Variants in ATP2C2 observed in about 807,000 individuals in gnomAD.
ATP2C2 encodes ATPase secretory pathway Ca2+ transporting 2.
ATP2C2 carries 171 observed loss-of-function variants against 110.8 expected under a neutral mutation model. The ratio of observed to expected loss-of-function variants is 1.54; its 90% CI spans 1.36 to 1.75. The LOEUF (loss-of-function observed/expected upper bound fraction) is 1.75, where lower values mean the gene tolerates loss of function less well. Ranked by LOEUF, ATP2C2 falls within the 40% of genes most tolerant of loss-of-function variation. The probability of loss-of-function intolerance (pLI) is 0.00; values close to 1 mark genes in which losing one functional copy is unlikely to be tolerated. For missense variants in ATP2C2, 1,963 were observed against 1,235.0 expected, an observed-to-expected ratio of 1.59 and a Z score of -8.84; for synonymous variants, 804 against 508.4, an observed-to-expected ratio of 1.58 and a Z score of -7.82.
chr16:84,413,071 C>T lies in ATP2C2; in HGVS notation c.515+2306C>T, dbSNP rs1448957560. 2.7e-5 allele frequency among the ~76,000 whole-genome samples: 4 copies of T among 149,504 alleles called. No homozygotes were observed. In the East Asian group the frequency reaches 5.9e-4, roughly 22 times the overall value. On this transcript the variant is annotated intron_variant, in intron 6 of 26. Transcript: ENST00000262429. ...CAAGAGTGCTCCATTGTACTCCAGC[C>T]TGTGCGATAAGAGCGAAACTCTGTC...
chr16:84,459,688 C>T (rs1911079745), intron 23 of ATP2C2: 6 of 1,162,570 alleles, frequency 5.2e-6, no homozygotes, highest in Middle Eastern at 5.6e-4. Context: ...CCAGTCACTG[C>T]CTTCAGGAAG....
intron 17 of ATP2C2, among the ~76,000 whole-genome samples, chr16:84,449,058 C>T (rs981134663): frequency 4.6e-5 from 7 of 152,192 alleles, no homozygotes; most frequent in African/African-American, 1.2e-4. Context: ...TTTCCCTTAG[C>T]CATTTTCAAT....
intron 3 of ATP2C2, among the ~76,000 whole-genome samples, chr16:84,406,941 A>C (rs1905826175): frequency 1.3e-5 from 2 of 152,118 alleles, no homozygotes. Context: ...GCCTCCAGCC[A>C]GGGTGTTCCC....
At chr16:84,462,305 G>A (rs1448194957) in intron 26 of ATP2C2, 176 bp downstream of exon 26, 10 of 775,522 alleles carry the variant, frequency 1.3e-5, no homozygotes, top group Admixed American at 5.8e-5. Context: ...TAACGTGGGT[G>A]ATGTGACGGA....
intron 23 of ATP2C2, chr16:84,460,380 C>G: frequency 2.0e-6 from 1 of 512,556 alleles, no homozygotes. Flanking sequence ...TGGAGATCAT[C>G]TGGGTGTATG....
chr16:84,440,802 G>T (rs536532234), intron 13 of ATP2C2, 55 bp from the exon 14 acceptor site: 26 of 1,391,914 alleles, frequency 1.9e-5, no homozygotes, highest in Non-Finnish European at 2.4e-5. Context: ...TGGGCCAACT[G>T]GGGGAGCATG....
At chr16:84,383,786 G>GTTTTT (rs753992042) in intron 1 of ATP2C2, among the ~76,000 whole-genome samples, 1 of 85,648 alleles carries the variant, frequency 1.2e-5, no homozygotes, top group Non-Finnish European at 2.6e-5. Flanking sequence ...TGGTTTTGTT[G>GTTTTT]GTTTTTTTTT....
intron 11 of ATP2C2, among the ~76,000 whole-genome samples, chr16:84,435,393 G>C (rs1263815502): frequency 1.3e-5 from 2 of 152,224 alleles, no homozygotes; most frequent in Admixed American, 1.3e-4. Context: ...TTCTCACCAG[G>C]TGTTCAGCCA....
At chr16:84,438,608 T>C (rs1908956050) in intron 11 of ATP2C2, among the ~76,000 whole-genome samples, 1 of 151,780 alleles carries the variant, frequency 6.6e-6, no homozygotes, top group Non-Finnish European at 1.5e-5. Flanking sequence ...GTTGGAGGGG[T>C]AAGAAAGAAG....
intron 1 of ATP2C2, among the ~76,000 whole-genome samples, chr16:84,386,562 A>T (rs1194420871): frequency 6.6e-6 from 1 of 152,170 alleles, no homozygotes; most frequent in African/African-American, 2.4e-5. Context: ...TCATGCTCCA[A>T]GTATCTCACT....
At chr16:84,380,206 C>A (rs1910494481) in intron 1 of ATP2C2, among the ~76,000 whole-genome samples, 1 of 152,144 alleles carries the variant, frequency 6.6e-6, no homozygotes, top group Admixed American at 6.5e-5. Context: ...ACCTATCTCA[C>A]CAGGCCTTCT....
intron 4 of ATP2C2, 52 bp downstream of exon 4, chr16:84,408,546 G>A: frequency 7.0e-7 from 1 of 1,430,382 alleles, no homozygotes; most frequent in African/African-American, 1.4e-5. Flanking sequence ...CAGGTCTGCT[G>A]AGTCTCTGCT....
At chr16:84,446,474 G>A (rs1597854102) in intron 16 of ATP2C2, 44 bp downstream of exon 16, 11 of 1,423,646 alleles carry the variant, frequency 7.7e-6, no homozygotes, top group Non-Finnish European at 9.5e-6. Flanking sequence ...TTCTGCCCGG[G>A]CCCCCACCCA....
chr16:84,449,827 G>T lies in ATP2C2; in HGVS notation c.1660+1138G>T, dbSNP rs148645363. 3.7e-3 allele frequency among the ~76,000 whole-genome samples: 557 copies of T among 152,324 alleles called. 2 individuals are homozygous for T. The highest frequency in any genetic ancestry group is 6.2e-3 in the Non-Finnish European group (420 of 68,034). On this transcript the variant is annotated intron_variant, in intron 17 of 26. Transcript: ENST00000262429. ...CTTGTCACATCACGCCTCTGCTGAC[G>T]AAATGGCTCACTTAAGAGTGGACAC...
intron 11 of ATP2C2, among the ~76,000 whole-genome samples, chr16:84,430,751 C>T (rs574490396): frequency 2.6e-5 from 4 of 151,896 alleles, no homozygotes; most frequent in Non-Finnish European, 5.9e-5. Context: ...GATCCCAGTT[C>T]ACCCTTACAC....
chr16:84,452,213 G>C lies in ATP2C2; in HGVS notation c.1831+122G>C, dbSNP rs1009092781. The C allele has an allele frequency of 2.7e-5, 32 of 1,198,756 alleles. 1 individual carries two copies. The highest frequency in any genetic ancestry group is 3.7e-5 in the Non-Finnish European group (32 of 866,706). The allele number at this position is 1,198,756 out of a possible 1,614,324, so 74.3% of individuals were successfully genotyped here. A position where few individuals can be genotyped will look rare whatever the true frequency, so the allele number is the denominator to read the frequency against. Reference sequence around the variant, plus strand: ...GGAGTGCTCACGCCTAGCCCTACAGGCTTAGAAAAGACGCTGAGTATTCGT... The same window carrying C: ...GGAGTGCTCACGCCTAGCCCTACAGCCTTAGAAAAGACGCTGAGTATTCGT... On this transcript the variant is annotated intron_variant, in intron 18 of 26. Coordinates refer to ENST00000262429, the MANE Select transcript of ATP2C2 (RefSeq NM_014861.4).
chr16:84,410,861 G>A (rs1906222504), intron 6 of ATP2C2, 96 bp downstream of exon 6: 1 of 1,270,504 alleles, frequency 7.9e-7, no homozygotes, highest in African/African-American at 1.5e-5. Flanking sequence ...ATCCTTGGTA[G>A]TGTCGGACAA....
At chr16:84,427,243 T>C (rs1453766391) in intron 11 of ATP2C2, among the ~76,000 whole-genome samples, 3 of 152,230 alleles carry the variant, frequency 2.0e-5, no homozygotes, top group East Asian at 1.9e-4. Context: ...GTAAACAAAC[T>C]TAGATGTCCA....
At chr16:84,412,302 G>GCA (rs61385849) in intron 6 of ATP2C2, among the ~76,000 whole-genome samples, 1 of 12,154 alleles carries the variant, frequency 8.2e-5, no homozygotes, top group Non-Finnish European at 2.2e-4. Flanking sequence ...GTGTGTGTGT[G>GCA]AGCATGTCTG....
Sources: gnomAD v4.1 joint callset for allele counts (sites outside exome capture counted in the v4.1 genomes callset) on GRCh38, gnomAD v4.1.1 for gene constraint, MANE v1.5 for transcripts, NCBI Gene and HGNC (gene_info 2026-07-23, HGNC 2026-07-21) for gene names.